CLEC2L: variants seen among roughly 807,000 people sequenced by gnomAD.
CLEC2L encodes C-type lectin domain family 2 member L.
Under a neutral mutation model 23.6 loss-of-function variants are expected in CLEC2L, and 14 were observed. The ratio of observed to expected loss-of-function variants is 0.59; its 90% CI spans 0.39 to 0.93. CLEC2L has a LOEUF of 0.93. Among genes scored for constraint, CLEC2L ranks in the 40% least tolerant of loss-of-function variants. The pLI is 0.00. For synonymous variants in CLEC2L, 114 were observed against 121.3 expected, an observed-to-expected ratio of 0.94 and a Z score of 0.40; for missense variants, 264 against 282.4, an observed-to-expected ratio of 0.93 and a Z score of 0.47.
chr7:139,527,698 G>A (rs1209734560), intron 1 of CLEC2L, among the ~76,000 whole-genome samples: 2 of 152,128 alleles, frequency 1.3e-5, no homozygotes, highest in African/African-American at 2.4e-5. Flanking sequence ...TGGGGGTATG[G>A]GAGAGGGGAC....
rs561284011 is a variant in CLEC2L at position 139,537,606 on chromosome 7, G to T, written c.265+1258G>T. ...CCCTGGTTTAGGGTGGGCAGTGGGG[G>T]TATGAGAGGGGATGGGGTGAGGGAT... On this transcript the variant is annotated intron_variant, in intron 2 of 4. Transcript: ENST00000422142. 4.6e-5 allele frequency among the ~76,000 whole-genome samples: 7 copies of T among 152,270 alleles called. No homozygotes were observed. The South Asian group carries it at 1.5e-3, about 32-fold the overall frequency.
At chr7:139,527,738 A>AT (rs766877986) in intron 1 of CLEC2L, among the ~76,000 whole-genome samples, 27 of 152,108 alleles carry the variant, frequency 1.8e-4, no homozygotes, top group Non-Finnish European at 3.1e-4. Flanking sequence ...CAGCCTATAG[A>AT]TTTTTTAGTG....
In CLEC2L at chr7:139,527,205, T is replaced by C. The variant is rs563007574; in HGVS notation, c.190+3088T>C. On this transcript the variant is annotated intron_variant, in intron 1 of 4. Coordinates refer to ENST00000422142, the MANE Select transcript of CLEC2L (RefSeq NM_001080511.4). Reference sequence around the variant, plus strand: ...GATGAGGGAGCCGAGACTGAGAGCCTGAGTGTCTTGCCCAAGGACATCCTT... The same window carrying C: ...GATGAGGGAGCCGAGACTGAGAGCCCGAGTGTCTTGCCCAAGGACATCCTT... Among the ~76,000 whole-genome samples, 5 of 152,320 alleles carry C rather than the reference T, an allele frequency of 3.3e-5. No homozygotes were observed. In the South Asian group the frequency reaches 1.0e-3, roughly 32 times the overall value.
chr7:139,535,165 G>A lies in CLEC2L; in HGVS notation c.191-1109G>A, dbSNP rs116359110. Among the ~76,000 whole-genome samples, 940 of 152,296 alleles carry A rather than the reference G, an allele frequency of 6.2e-3. 12 individuals carry two copies. Among genetic ancestry groups the A allele is most frequent in the African/African-American group, 0.02 (851 of 41,554 alleles). ...CAACAGATGAATGGATAAACACAAC[G>A]TGGTCTTGCTATACGATGGAACATT... On this transcript the variant is annotated intron_variant, in intron 1 of 4. Coordinates refer to ENST00000422142, the MANE Select transcript of CLEC2L (RefSeq NM_001080511.4).
chr7:139,533,865 A>G lies in CLEC2L; in HGVS notation c.191-2409A>G, dbSNP rs546608478. Among the ~76,000 whole-genome samples, 7 of 152,340 alleles carry G rather than the reference A, an allele frequency of 4.6e-5. No homozygotes were observed. In the East Asian group the frequency reaches 1.3e-3, roughly 29 times the overall value. Reference sequence around the variant, plus strand: ...GGCACTTATATCATGATGGACAAGTAACAGTTTACAGACAAACATTGAGCT... The same window carrying G: ...GGCACTTATATCATGATGGACAAGTGACAGTTTACAGACAAACATTGAGCT... On this transcript the variant is annotated intron_variant, in intron 1 of 4. Transcript: ENST00000422142.
At chr7:139,533,199 A>G (rs909717589) in intron 1 of CLEC2L, among the ~76,000 whole-genome samples, 8 of 152,242 alleles carry the variant, frequency 5.3e-5, no homozygotes, top group Non-Finnish European at 1.2e-4. Context: ...TTAAGTCTGC[A>G]TCATTATAAT....
At chr7:139,544,157 T>C in intron 4 of CLEC2L, 74 bp from the exon 5 acceptor site, 1 of 1,104,206 alleles carries the variant, frequency 9.1e-7, no homozygotes, top group Non-Finnish European at 1.3e-6. Flanking sequence ...AGGGCCTCCA[T>C]GGCCTCCCCT....
At chr7:139,524,878 G>A (rs1797484209) in intron 1 of CLEC2L, among the ~76,000 whole-genome samples, 2 of 152,168 alleles carry the variant, frequency 1.3e-5, no homozygotes, top group South Asian at 4.1e-4. Flanking sequence ...GACCTGGGCA[G>A]CATTAACTAG....
In CLEC2L at chr7:139,544,559, T is replaced by C. The variant is rs921791426; in HGVS notation, c.*217T>C. 8.6e-6 allele frequency: 5 copies of C among 581,962 alleles called. No individual in the cohort carries two copies. In the African/African-American group the frequency reaches 9.4e-5, roughly 11 times the overall value. 36.0% of individuals were successfully genotyped at this position (581,962 alleles called of 1,614,324 possible). ...CAGGTCGTGTGGCTCAGCAGTTAAA[T>C]CCCATATGCTAGGTAGTGTAGGCAT... is the stretch of plus-strand genomic sequence containing the variant. On this transcript the variant is annotated 3_prime_UTR_variant, in exon 5 of 5. Coordinates refer to ENST00000422142, the MANE Select transcript of CLEC2L (RefSeq NM_001080511.4).
rs144085542 is a variant in CLEC2L at position 139,525,886 on chromosome 7, G to T, written c.190+1769G>T. On this transcript the variant is annotated intron_variant, in intron 1 of 4. Transcript: ENST00000422142. ...AACAGACCACACACCAAGCTGGAAG[G>T]TCACCCAGAGGCTGCCTGGGGCCCT... Among the ~76,000 whole-genome samples the T allele has an allele frequency of 3.2e-3, 482 of 152,246 alleles. 4 individuals are homozygous for T. The highest frequency in any genetic ancestry group is 0.011 in the African/African-American group (447 of 41,546).
intron 1 of CLEC2L, among the ~76,000 whole-genome samples, chr7:139,525,391 G>A (rs1163889202): frequency 4.6e-5 from 7 of 152,170 alleles, no homozygotes; most frequent in African/African-American, 1.7e-4. Flanking sequence ...CAGGGGACGT[G>A]CACTGTCCGA....
At chr7:139,531,395 A>G (rs1267953714) in intron 1 of CLEC2L, among the ~76,000 whole-genome samples, 1 of 152,230 alleles carries the variant, frequency 6.6e-6, no homozygotes, top group Non-Finnish European at 1.5e-5. Context: ...GAAATTAAAA[A>G]TATAGTCACA....
chr7:139,524,134 C>G lies in CLEC2L; in HGVS notation c.190+17C>G. 1 of 1,220,270 alleles carries G rather than the reference C, an allele frequency of 8.2e-7. No homozygotes were observed. The allele number at this position is 1,220,270 out of a possible 1,614,324, so 75.6% of individuals were successfully genotyped here. A position where few individuals can be genotyped will look rare whatever the true frequency, so the allele number is the denominator to read the frequency against. On this transcript the variant is annotated intron_variant, in intron 1 of 4. Coordinates refer to ENST00000422142, the MANE Select transcript of CLEC2L (RefSeq NM_001080511.4). ...CCTTGGAGGGTAAGCGCGGAGCGGC[C>G]TCCCTCTCCTGGCCCAGGGACCCCT... is the stretch of plus-strand genomic sequence containing the variant.
chr7:139,525,673 G>C (rs1297510225), intron 1 of CLEC2L, among the ~76,000 whole-genome samples: 2 of 152,088 alleles, frequency 1.3e-5, no homozygotes, highest in Admixed American at 1.3e-4. Flanking sequence ...TCATTTATTC[G>C]TCAGCATTTC....
At chr7:139,536,941 C>T (rs1797667001) in intron 2 of CLEC2L, among the ~76,000 whole-genome samples, 1 of 137,828 alleles carries the variant, frequency 7.3e-6, no homozygotes, top group Non-Finnish European at 1.5e-5. Context: ...CACACCACCG[C>T]ACTCCACCCT....
intron 1 of CLEC2L, among the ~76,000 whole-genome samples, chr7:139,526,606 G>A (rs1418053431): frequency 3.9e-5 from 6 of 152,242 alleles, no homozygotes; most frequent in African/African-American, 1.4e-4. Context: ...GGGAGGTGCA[G>A]GAAGCAGAGC....
intron 1 of CLEC2L, among the ~76,000 whole-genome samples, chr7:139,530,238 A>G (rs1797562513): frequency 6.6e-6 from 1 of 152,112 alleles, no homozygotes; most frequent in Non-Finnish European, 1.5e-5. Flanking sequence ...TTAAAAGGCC[A>G]TAAGGACAAG....
At position 139,534,463 on chromosome 7, in the gene CLEC2L, A is replaced by G. The variant is rs747147715; in HGVS notation, c.191-1811A>G. 1.0e-5 allele frequency: 8 copies of G among 789,804 alleles called. No homozygotes were observed. In the East Asian group the frequency reaches 1.9e-4, roughly 19 times the overall value. 48.9% of individuals were successfully genotyped at this position (789,804 alleles called of 1,614,324 possible). On this transcript the variant is annotated intron_variant, in intron 1 of 4. Coordinates refer to ENST00000422142, the MANE Select transcript of CLEC2L (RefSeq NM_001080511.4). ...CTCAGCTGCCTGGTTTACCGAGCTGATACCCAGACATACCAGCCTTATAAA... is the reference window on the plus strand; with the variant it reads ...CTCAGCTGCCTGGTTTACCGAGCTGGTACCCAGACATACCAGCCTTATAAA...
Position 139,530,839 on chromosome 7 carries a change from G to A in CLEC2L, c.191-5435G>A, listed in dbSNP as rs563426237. Among the ~76,000 whole-genome samples, 423 of 146,670 alleles carry A rather than the reference G, an allele frequency of 2.9e-3. 2 individuals carry two copies. The highest frequency in any genetic ancestry group is 0.01 in the African/African-American group (393 of 38,258). On this transcript the variant is annotated intron_variant, in intron 1 of 4. Coordinates refer to ENST00000422142, the MANE Select transcript of CLEC2L (RefSeq NM_001080511.4). Reference sequence around the variant, plus strand: ...AAAAAAAAAAAAAAAAAAAAAAATAGGGCCTCTAGACATCACCACACTGAG... The same window carrying A: ...AAAAAAAAAAAAAAAAAAAAAAATAAGGCCTCTAGACATCACCACACTGAG...
Sources: allele counts gnomAD v4.1 joint callset (sites outside exome capture counted in the v4.1 genomes callset), GRCh38; gene constraint gnomAD v4.1.1; transcripts MANE v1.5; gene names NCBI Gene and HGNC (gene_info 2026-07-23, HGNC 2026-07-21).